Variants in TMEM74 observed in about 807,000 individuals in gnomAD.
TMEM74 encodes transmembrane protein 74.
A neutral mutation model predicts 18.1 loss-of-function variants in TMEM74; 13 were observed. That is an observed-to-expected ratio of 0.72 (90% CI 0.47 to 1.14). The LOEUF is 1.14. TMEM74 is among the 50% of genes most tolerant of loss of function. The probability of loss-of-function intolerance (pLI) is 0.00; values close to 1 mark genes in which losing one functional copy is unlikely to be tolerated. For missense variants in TMEM74, 372 were observed against 375.9 expected (o/e 0.99, Z 0.09); for synonymous variants, 159 against 146.6 (o/e 1.08, Z -0.61).
chr8:108,641,756 A>G (rs1812667242), intron 2 of TMEM74, among the ~76,000 whole-genome samples: 1 of 152,022 alleles, frequency 6.6e-6, no homozygotes, highest in Non-Finnish European at 1.5e-5. Flanking sequence ...CTATAGCCCA[A>G]TCCAATAATC....
At chr8:108,620,214 A>G (rs925697664) in intron 2 of TMEM74, among the ~76,000 whole-genome samples, 1 of 152,074 alleles carries the variant, frequency 6.6e-6, no homozygotes, top group Non-Finnish European at 1.5e-5. Flanking sequence ...TGAGTTCTTT[A>G]CTTTACCTTA....
At chr8:108,653,672 AAAT>A (rs1231725686) in intron 2 of TMEM74, among the ~76,000 whole-genome samples, 1 of 152,170 alleles carries the variant, frequency 6.6e-6, no homozygotes, top group Non-Finnish European at 1.5e-5. Flanking sequence ...TATAAAAATT[AAAT>A]AATTATCATT....
At chr8:108,756,586 A>AAG (rs2130656550) in intron 1 of TMEM74, among the ~76,000 whole-genome samples, 10 of 112,652 alleles carry the variant, frequency 8.9e-5, no homozygotes, top group South Asian at 2.8e-4. Flanking sequence ...GAAAGAAAGA[A>AAG]AGAAAGAAAG....
chr8:108,673,594 C>A (rs1362480627), intron 1 of TMEM74, among the ~76,000 whole-genome samples: 1 of 152,136 alleles, frequency 6.6e-6, no homozygotes, highest in Non-Finnish European at 1.5e-5. Flanking sequence ...GAAACAGGAG[C>A]ACGTATTTTG....
At chr8:108,636,521 A>G (rs1424347638) in intron 2 of TMEM74, among the ~76,000 whole-genome samples, 3 of 152,034 alleles carry the variant, frequency 2.0e-5, no homozygotes, top group Non-Finnish European at 4.4e-5. Context: ...CTTTAATTCA[A>G]CTCTCCTTGG....
intron 2 of TMEM74, among the ~76,000 whole-genome samples, chr8:108,653,910 C>T (rs891584725): frequency 2.6e-5 from 4 of 151,852 alleles, no homozygotes. Flanking sequence ...AATGTCTGTA[C>T]CATTGGGTAG....
intron 2 of TMEM74, among the ~76,000 whole-genome samples, chr8:108,619,980 A>G (rs1452202720): frequency 6.6e-6 from 1 of 151,620 alleles, no homozygotes; most frequent in Non-Finnish European, 1.5e-5. Context: ...CCTCTTTTCC[A>G]CCTCCTCTTC....
chr8:108,718,479 G>A (rs1813551879), intron 1 of TMEM74, among the ~76,000 whole-genome samples: 2 of 152,170 alleles, frequency 1.3e-5, no homozygotes, highest in African/African-American at 4.8e-5. Flanking sequence ...ACAGCAGAAA[G>A]CCAGCAGCTG....
At chr8:108,670,183 G>T (rs1812989996) in intron 1 of TMEM74, among the ~76,000 whole-genome samples, 1 of 151,812 alleles carries the variant, frequency 6.6e-6, no homozygotes, top group Admixed American at 6.6e-5. Flanking sequence ...TATTTGATCT[G>T]CTGTCAAAAG....
At chr8:108,682,505 A>G (rs1421662128) in intron 1 of TMEM74, among the ~76,000 whole-genome samples, 3 of 152,116 alleles carry the variant, frequency 2.0e-5, no homozygotes, top group South Asian at 2.1e-4. Context: ...TGTAAGCCCT[A>G]TGATGGTAGC....
At chr8:108,722,329 C>A (rs1813593530) in intron 1 of TMEM74, among the ~76,000 whole-genome samples, 1 of 152,154 alleles carries the variant, frequency 6.6e-6, no homozygotes. Context: ...CAAATGAATT[C>A]TTGTAAGCAA....
At chr8:108,683,852 G>A (rs1303372510) in intron 1 of TMEM74, among the ~76,000 whole-genome samples, 1 of 151,960 alleles carries the variant, frequency 6.6e-6, no homozygotes, top group Non-Finnish European at 1.5e-5. Flanking sequence ...AACATGCAAT[G>A]TTTAACTTTC....
At chr8:108,745,837 T>C (rs896249175) in intron 1 of TMEM74, among the ~76,000 whole-genome samples, 1 of 152,170 alleles carries the variant, frequency 6.6e-6, no homozygotes, top group Non-Finnish European at 1.5e-5. Context: ...TAATCAGTTA[T>C]GTTATCTATA....
In TMEM74 at chr8:108,779,356, G is replaced by A. The variant is rs1404575625; in HGVS notation, c.*4825C>T. Among the ~76,000 whole-genome samples, 1 of 152,096 alleles carries A rather than the reference G, an allele frequency of 6.6e-6. No individual in the cohort carries two copies. Among genetic ancestry groups the A allele is most frequent in the East Asian group, 1.9e-4 (1 of 5,180 alleles). ...CATTTGTTTGGAGCCTGGCTAGGAA[G>A]CCTGAAGATGGCAGTGAAAAAATAG... On this transcript the variant is annotated 3_prime_UTR_variant, in exon 2 of 2. Coordinates refer to ENST00000297459, the MANE Select transcript of TMEM74 (RefSeq NM_153015.3).
intron 1 of TMEM74, among the ~76,000 whole-genome samples, chr8:108,729,922 G>A (rs1417538350): frequency 1.3e-5 from 2 of 152,166 alleles, no homozygotes; most frequent in Non-Finnish European, 2.9e-5. Context: ...GGACAAATAA[G>A]TTAGAACTGC....
chr8:108,680,819 C>T (rs1813106212), intron 1 of TMEM74, among the ~76,000 whole-genome samples: 2 of 152,148 alleles, frequency 1.3e-5, no homozygotes, highest in African/African-American at 4.8e-5. Flanking sequence ...TCAGCAAAGC[C>T]TCAGGATACA....
intron 2 of TMEM74, among the ~76,000 whole-genome samples, chr8:108,625,674 C>T (rs1277925220): frequency 6.6e-6 from 1 of 151,900 alleles, no homozygotes; most frequent in East Asian, 1.9e-4. Flanking sequence ...TTAATATCCC[C>T]AATGTGCCTA....
chr8:108,609,726 G>C (rs191459580), intron 2 of TMEM74, among the ~76,000 whole-genome samples: 3 of 152,284 alleles, frequency 2.0e-5, no homozygotes, highest in Non-Finnish European at 2.9e-5. Flanking sequence ...AGACTTGAAA[G>C]TAATTTAGTT....
rs144543838 is a variant in TMEM74, at chr8:108,636,008, G to A, written n.264+19285C>T. Among the ~76,000 whole-genome samples the A allele has an allele frequency of 2.0e-5, 3 of 152,106 alleles. No individual in the cohort carries two copies. The East Asian group carries it at 5.8e-4, about 30-fold the overall frequency. On this transcript the variant is annotated intron_variant and non_coding_transcript_variant, in intron 2 of 3. Transcript: ENST00000518838. ...TAAGCAGCCCTTTAAAATCTATGGA[G>A]TCCTTTCATATACATTATCTTTAAA...
Sources: gnomAD v4.1 joint callset for allele counts (sites outside exome capture counted in the v4.1 genomes callset) on GRCh38, gnomAD v4.1.1 for gene constraint, MANE v1.5 for transcripts, NCBI Gene and HGNC (gene_info 2026-07-23, HGNC 2026-07-21) for gene names.